Variants in FAM237A observed in about 807,000 individuals in gnomAD.
FAM237A encodes family with sequence similarity 237 member A.
A neutral mutation model predicts 12.5 loss-of-function variants in FAM237A; 14 were observed. The ratio of observed to expected loss-of-function variants is 1.12; its 90% CI spans 0.74 to 1.75. FAM237A has a LOEUF of 1.75. FAM237A is among the 40% of genes most tolerant of loss of function. The pLI is 0.00. For missense variants in FAM237A, 240 were observed against 211.7 expected, an observed-to-expected ratio of 1.13 and a Z score of -0.83; for synonymous variants, 85 against 77.5, an observed-to-expected ratio of 1.10 and a Z score of -0.51.
chr2:206,648,058 G>A (rs1357021929), intron 2 of FAM237A, among the ~76,000 whole-genome samples: 1 of 152,072 alleles, frequency 6.6e-6, no homozygotes, highest in East Asian at 1.9e-4. Context: ...AACATAAATA[G>A]GTTCTCAAAT....
chr2:206,643,274 A>AT (rs1340898994), intron 1 of FAM237A: 5 of 151,886 alleles, frequency 3.3e-5, no homozygotes, highest in Non-Finnish European at 7.4e-5. Flanking sequence ...TGCCCTTCCT[A>AT]TTTTTTCTTT....
rs780059048 is a variant in FAM237A, at chr2:206,644,396, T to A, written c.160T>A (p.Ser54Thr). The A allele has an allele frequency of 7.4e-6, 12 of 1,613,764 alleles. No individual in the cohort carries two copies. The highest frequency in any genetic ancestry group is 1.0e-5 in the Non-Finnish European group (12 of 1,179,830). Residue 54 changes from serine (S) to threonine (T), a missense_variant, in exon 2 of 3, where the codon TCA (serine) becomes ACA (threonine). Coordinates refer to ENST00000441223, the MANE Select transcript of FAM237A (RefSeq NM_001102659.3). Reference sequence around the variant, plus strand: ...TGATCCTCAGTGCTGGGAATCCTCCTCAGTGCTTCTCCTGGAAATGTGGAA... The same window carrying A: ...TGATCCTCAGTGCTGGGAATCCTCCACAGTGCTTCTCCTGGAAATGTGGAA... ...QADPQCWESSSVLLLEMWKPR... is the reference protein window; with the variant it reads ...QADPQCWESSTVLLLEMWKPR...
rs924464547 is a variant in FAM237A, at chr2:206,648,818, C to T, written c.*24C>T. On this transcript the variant is annotated 3_prime_UTR_variant, in exon 3 of 3. Coordinates refer to ENST00000441223, the MANE Select transcript of FAM237A (RefSeq NM_001102659.3). ...AAATTGAACTCGGAGCTAATTCATG[C>T]CTTGGAATTAAATATACATATATAT... 1.9e-5 allele frequency: 28 copies of T among 1,496,408 alleles called. No individual in the cohort carries two copies. The highest frequency in any genetic ancestry group is 2.5e-5 in the Non-Finnish European group (28 of 1,119,820). 92.7% of individuals were successfully genotyped at this position (1,496,408 alleles called of 1,614,324 possible).
chr2:206,644,256 G>C lies in FAM237A; in HGVS notation c.20G>C (p.Arg7Thr), dbSNP rs893770426. The C allele has an allele frequency of 1.2e-6, 2 of 1,605,900 alleles. No homozygotes were observed. The highest frequency in any genetic ancestry group is 1.7e-6 in the Non-Finnish European group (2 of 1,175,774). MADPGNRGGIHRPLSFT... is the reference protein window; with the variant it reads MADPGNTGGIHRPLSFT... ...AGGGCCATGGCTGATCCTGGGAACA[G>C]AGGAGGGATCCACCGCCCCTTGAGC... The change falls in exon 2 of 3, where the codon AGA becomes ACA. Residue 7 changes from arginine to threonine, a missense_variant. Physicochemically the swap from Arg to Thr is moderately conservative, Grantham distance 71 (BLOSUM62 -1). Transcript: ENST00000441223.
At chr2:206,644,801 A>G (rs542177954) in intron 2 of FAM237A, among the ~76,000 whole-genome samples, 153 bp downstream of exon 2, 2 of 152,358 alleles carry the variant, frequency 1.3e-5, no homozygotes, top group South Asian at 4.1e-4. Flanking sequence ...TGATAGGAAG[A>G]TAGATAGTAC....
Position 206,644,577 on chromosome 2 carries a change from G to A in FAM237A, c.341G>A (p.Gly114Glu). 6.2e-7 allele frequency: 1 copy of A among 1,612,702 alleles called. No homozygotes were observed. The highest frequency in any genetic ancestry group is 1.1e-5 in the South Asian group (1 of 90,740). ...DCVLSRNHGLGRRQLVGEEEK... is the reference protein window; with the variant it reads ...DCVLSRNHGLERRQLVGEEEK... ...GTGCTCTCTAGGAACCATGGCTTAG[G>A]AAGGAGGCAATTGGTTGGAGAGGAA... Residue 114 changes from glycine to glutamate, a missense_variant, in exon 2 of 3, where the codon GGA becomes GAA. Gly to Glu is a moderately conservative substitution (Grantham distance 98). Coordinates refer to ENST00000441223, the MANE Select transcript of FAM237A (RefSeq NM_001102659.3).
rs2105881614 is a variant in FAM237A, at chr2:206,644,290, C to T, written c.54C>T (p.Cys18=). 1 of 1,613,000 alleles carries T rather than the reference C, an allele frequency of 6.2e-7. No homozygotes were observed. Among genetic ancestry groups the T allele is most frequent in the Non-Finnish European group, 8.5e-7 (1 of 1,179,440 alleles). The change falls in exon 2 of 3, where the codon TGC becomes TGT. Residue 18 remains cysteine (C), a synonymous_variant. Coordinates refer to ENST00000441223, the MANE Select transcript of FAM237A (RefSeq NM_001102659.3). ...GGIHRPLSFT[C]SLLIVGMCCV... ...TCCACCGCCCCTTGAGCTTCACCTGCTCCCTGCTCATTGTGGGAATGTGCT... is the reference window on the plus strand; with the variant it reads ...TCCACCGCCCCTTGAGCTTCACCTGTTCCCTGCTCATTGTGGGAATGTGCT...
rs547201542 is a variant in FAM237A at position 206,648,814 on chromosome 2, C to G, written c.*20C>G. ...AAATAAATTGAACTCGGAGCTAATT[C>G]ATGCCTTGGAATTAAATATACATAT... is the stretch of plus-strand genomic sequence containing the variant. On this transcript the variant is annotated 3_prime_UTR_variant, in exon 3 of 3. Transcript: ENST00000441223. 1.3e-6 allele frequency: 2 copies of G among 1,509,582 alleles called. No homozygotes were observed. Among genetic ancestry groups the G allele is most frequent in the South Asian group, 2.7e-5 (2 of 74,894 alleles). 93.5% of individuals were successfully genotyped at this position (1,509,582 alleles called of 1,614,324 possible). A position where few individuals can be genotyped will look rare whatever the true frequency, so the allele number is the denominator to read the frequency against.
chr2:206,645,374 T>G (rs2105882066), intron 2 of FAM237A, among the ~76,000 whole-genome samples: 1 of 152,336 alleles, frequency 6.6e-6, no homozygotes, highest in African/African-American at 2.4e-5. Flanking sequence ...TAGAATGAGG[T>G]TGAGTAAGCC....
In FAM237A at chr2:206,644,613, C is replaced by A; in HGVS notation, c.377C>A (p.Ser126Ter). The A allele has an allele frequency of 6.2e-7, 1 of 1,601,058 alleles. No homozygotes were observed. Among genetic ancestry groups the A allele is most frequent in the South Asian group, 1.1e-5 (1 of 88,180 alleles). The change falls in exon 2 of 3, where the codon TCA becomes TAA. Residue 126 changes from serine to a stop codon, truncating the protein, a stop_gained. Transcript: ENST00000441223. LOFTEE classifies it high-confidence loss of function. ...TTGGTTGGAGAGGAAGAGAAAATCTCAGCAGCGCAGCCACAGCACACAAGG... is the reference window on the plus strand; with the variant it reads ...TTGGTTGGAGAGGAAGAGAAAATCTAAGCAGCGCAGCCACAGCACACAAGG... ...RQLVGEEEKISAAQPQHTRSK... is the reference protein window; with the variant it reads ...RQLVGEEEKI
Position 206,648,652 on chromosome 2 carries a change from T to C in FAM237A, c.413-9T>C, listed in dbSNP as rs1409898149. ...GTGATCTTATGAAGTTCCGCTTTTC[T>C]ACTTTCAGGTACATATTCTCAGCTC... On this transcript the variant is annotated splice_polypyrimidine_tract_variant and intron_variant, in intron 2 of 2. Transcript: ENST00000441223. The C allele has an allele frequency of 1.3e-6, 2 of 1,578,384 alleles. No homozygotes were observed. Among genetic ancestry groups the C allele is most frequent in the African/African-American group, 1.4e-5 (1 of 73,634 alleles).
At chr2:206,645,086 T>C (rs1421794332) in intron 2 of FAM237A, among the ~76,000 whole-genome samples, 1 of 152,222 alleles carries the variant, frequency 6.6e-6, no homozygotes, top group Non-Finnish European at 1.5e-5. Flanking sequence ...ATTCTTGCCC[T>C]TGTTAAACTG....
chr2:206,648,646 C>T lies in FAM237A; in HGVS notation c.413-15C>T, dbSNP rs778723797. The T allele has an allele frequency of 1.0e-5, 16 of 1,576,584 alleles. No homozygotes were observed. Among genetic ancestry groups the T allele is most frequent in the African/African-American group, 4.1e-5 (3 of 73,518 alleles). On this transcript the variant is annotated splice_polypyrimidine_tract_variant and intron_variant, in intron 2 of 2. Transcript: ENST00000441223. ...AATTTGGTGATCTTATGAAGTTCCG[C>T]TTTTCTACTTTCAGGTACATATTCT...
intron 2 of FAM237A, among the ~76,000 whole-genome samples, chr2:206,648,304 G>A (rs2105883097): frequency 6.6e-6 from 1 of 152,218 alleles, no homozygotes; most frequent in South Asian, 2.1e-4. Context: ...CAAAACTATG[G>A]TTATCTCTAG....
rs1559299877 is a variant in FAM237A, at chr2:206,644,455, G to A, written c.219G>A (p.Trp73Ter). 2 of 1,613,878 alleles carry A rather than the reference G, an allele frequency of 1.2e-6. No homozygotes were observed. Among genetic ancestry groups the A allele is most frequent in the Non-Finnish European group, 8.5e-7 (1 of 1,179,842 alleles). Residue 73 changes from tryptophan to a stop codon, truncating the protein, a stop_gained, in exon 2 of 3, where the codon TGG becomes TGA. Transcript: ENST00000441223. LOFTEE classifies it high-confidence loss of function. ...PRVSNTVSGF[W>*]DFMIYLKSSE... ...TTTCCAACACTGTTTCAGGCTTCTGGGATTTTATGATCTACCTGAAGTCAT... is the reference window on the plus strand; with the variant it reads ...TTTCCAACACTGTTTCAGGCTTCTGAGATTTTATGATCTACCTGAAGTCAT...
rs367918911 is a variant in FAM237A at position 206,644,453 on chromosome 2, T to C, written c.217T>C (p.Trp73Arg). 3 of 1,613,968 alleles carry C rather than the reference T, an allele frequency of 1.9e-6. No homozygotes were observed. In the African/African-American group the frequency reaches 4.0e-5, roughly 22 times the overall value. ...PRVSNTVSGF[W>R]DFMIYLKSSE... ...CGTTTCCAACACTGTTTCAGGCTTC[T>C]GGGATTTTATGATCTACCTGAAGTC... is the stretch of plus-strand genomic sequence containing the variant. Residue 73 changes from tryptophan (W) to arginine (R), a missense_variant, in exon 2 of 3, where the codon TGG becomes CGG. By Grantham distance (101) the Trp-to-Arg change is moderately radical. Transcript: ENST00000441223.
chr2:206,646,073 C>T (rs1699313223), intron 2 of FAM237A, among the ~76,000 whole-genome samples: 1 of 152,058 alleles, frequency 6.6e-6, no homozygotes, highest in Admixed American at 6.5e-5. Flanking sequence ...GAGGCCAAGG[C>T]AGGCGGAACA....
chr2:206,646,833 T>C (rs1347525826), intron 2 of FAM237A, among the ~76,000 whole-genome samples: 2 of 152,068 alleles, frequency 1.3e-5, no homozygotes, highest in African/African-American at 2.4e-5. Flanking sequence ...TCCTCCAATA[T>C]TTTTTTTCTT....
At position 206,648,787 on chromosome 2, in the gene FAM237A, G is replaced by C; in HGVS notation, c.539G>C (p.Arg180Thr). 1 of 1,531,592 alleles carries C rather than the reference G, an allele frequency of 6.5e-7. No homozygotes were observed. Among genetic ancestry groups the C allele is most frequent in the Non-Finnish European group, 8.8e-7 (1 of 1,138,084 alleles). The allele number at this position is 1,531,592 out of a possible 1,614,324, so 94.9% of individuals were successfully genotyped here. A position where few individuals can be genotyped will look rare whatever the true frequency, so the allele number is the denominator to read the frequency against. The change falls in exon 3 of 3, where the codon AGA (arginine) becomes ACA (threonine). Residue 180 changes from arginine (R) to threonine (T), a missense_variant. By Grantham distance (71) the Arg-to-Thr change is moderately conservative. Transcript: ENST00000441223. Reference protein sequence around the residue: ...VIGKVNLEIKRK With the variant: ...VIGKVNLEIKTK ...GGAAAAGTGAACCTGGAAATAAAGAGAAAATAAATTGAACTCGGAGCTAAT... is the reference window on the plus strand; with the variant it reads ...GGAAAAGTGAACCTGGAAATAAAGACAAAATAAATTGAACTCGGAGCTAAT...
Sources: allele counts gnomAD v4.1 joint callset (sites outside exome capture counted in the v4.1 genomes callset), GRCh38; gene constraint gnomAD v4.1.1; transcripts MANE v1.5; gene names NCBI Gene and HGNC (gene_info 2026-07-23, HGNC 2026-07-21).